The following GALNT17 variants were observed in gnomAD, a reference collection of about 807,000 sequenced individuals.
GALNT17 encodes the protein polypeptide N-acetylgalactosaminyltransferase 17.
In GALNT17, 29 loss-of-function variants were observed where a neutral mutation model predicts 63.7. The ratio of observed to expected loss-of-function variants is 0.46; its 90% CI spans 0.34 to 0.62. The LOEUF is 0.62. Ranked by LOEUF, GALNT17 falls within the 20% of genes least tolerant of loss-of-function variation. GALNT17 has a pLI of 0.01. For synonymous variants in GALNT17, 305 were observed against 318.3 expected (o/e 0.96, Z 0.45); for missense variants, 603 against 799.6 (o/e 0.75, Z 2.97).
At chr7:71,496,775 A>ATGGGG (rs1788102261) in intron 5 of GALNT17, among the ~76,000 whole-genome samples, 1 of 142,096 alleles carries the variant, frequency 7.0e-6, no homozygotes, top group South Asian at 2.6e-4. Flanking sequence ...CCTGGGCCGG[A>ATGGGG]TGGGGTGGGG....
At chr7:71,601,646 A>G (rs940821) in intron 6 of GALNT17, among the ~76,000 whole-genome samples, 151,771 of 152,264 alleles carry the variant, frequency 1, 75,641 homozygotes, top group East Asian at 1. Flanking sequence ...TTAGCCAGGC[A>G]TGGTAGTGCT....
Position 71,679,126 on chromosome 7 carries a change from C to T in GALNT17, c.1500+1820C>T, listed in dbSNP as rs115216447. Among the ~76,000 whole-genome samples the T allele has an allele frequency of 3.6e-3, 551 of 152,196 alleles. 1 individual carries two copies. The highest frequency in any genetic ancestry group is 0.013 in the African/African-American group (525 of 41,538). ...TTCTCTGTAGGGAAATGGGGATGCA[C>T]ATGGAAAGCAATATGAGCTACAGAA... On this transcript the variant is annotated intron_variant, in intron 9 of 10. Coordinates refer to ENST00000333538, the MANE Select transcript of GALNT17 (RefSeq NM_022479.3).
chr7:71,702,594 C>A lies in GALNT17; in HGVS notation c.1501-8167C>A, dbSNP rs1470871883. The stretch of plus-strand genomic sequence containing the variant: ...GCAGAGAGATGGCACACCCTGACTC[C>A]AATTTAAAGTAACATGATTTTAAAT... On this transcript the variant is annotated intron_variant, in intron 9 of 10. Transcript: ENST00000333538. 2.0e-5 allele frequency among the ~76,000 whole-genome samples: 3 copies of A among 152,154 alleles called. No homozygotes were observed. The East Asian group carries it at 5.8e-4, about 29-fold the overall frequency.
At chr7:71,678,712 A>G (rs1190241454) in intron 9 of GALNT17, among the ~76,000 whole-genome samples, 1 of 151,590 alleles carries the variant, frequency 6.6e-6, no homozygotes. Flanking sequence ...GGAGAATAGC[A>G]TGAACCCAGG....
In GALNT17 at chr7:71,651,804, G is replaced by A. The variant is rs147950708; in HGVS notation, c.1081-13607G>A. ...ATAGCTCACTGCAGCTTCAGTCCCC[G>A]GGGTTCAAGTGATCCTCCTACCTCA... is the stretch of plus-strand genomic sequence containing the variant. On this transcript the variant is annotated intron_variant, in intron 6 of 10. Transcript: ENST00000333538. 3.5e-3 allele frequency among the ~76,000 whole-genome samples: 527 copies of A among 152,190 alleles called. 5 individuals carry two copies. The highest frequency in any genetic ancestry group is 0.012 in the African/African-American group (502 of 41,538).
chr7:71,162,683 A>G (rs1788371178), intron 1 of GALNT17, among the ~76,000 whole-genome samples: 1 of 152,178 alleles, frequency 6.6e-6, no homozygotes, highest in Non-Finnish European at 1.5e-5. Context: ...AACACCCAGT[A>G]TGTGTTGTGT....
At chr7:71,150,089 A>C (rs1034226362) in intron 1 of GALNT17, among the ~76,000 whole-genome samples, 1 of 152,052 alleles carries the variant, frequency 6.6e-6, no homozygotes, top group East Asian at 1.9e-4. Flanking sequence ...CGAGAAGGTA[A>C]CTCCTTTGAT....
chr7:71,338,774 A>C (rs1322578255), intron 2 of GALNT17, among the ~76,000 whole-genome samples: 2 of 152,076 alleles, frequency 1.3e-5, no homozygotes, highest in African/African-American at 4.8e-5. Context: ...GAAGTAGATT[A>C]TTTCTTTCTC....
chr7:71,291,164 A>G, intron 1 of GALNT17, among the ~76,000 whole-genome samples: 1 of 152,102 alleles, frequency 6.6e-6, no homozygotes, highest in East Asian at 1.9e-4. Context: ...TCCAGACTGA[A>G]CTCCCAAATA....
At chr7:71,641,598 C>T (rs1011802506) in intron 6 of GALNT17, among the ~76,000 whole-genome samples, 2 of 151,898 alleles carry the variant, frequency 1.3e-5, no homozygotes, top group African/African-American at 4.8e-5. Context: ...TTCATAAGGG[C>T]ACCAACCCTA....
chr7:71,158,173 G>C (rs1267021324), intron 1 of GALNT17, among the ~76,000 whole-genome samples: 1 of 150,936 alleles, frequency 6.6e-6, no homozygotes, highest in African/African-American at 2.5e-5. Context: ...TCCTATGGTA[G>C]TTAGTTCTAT....
At chr7:71,142,261 C>T (rs1237009105) in intron 1 of GALNT17, among the ~76,000 whole-genome samples, 2 of 152,052 alleles carry the variant, frequency 1.3e-5, no homozygotes, top group African/African-American at 2.4e-5. Flanking sequence ...GAATGTCAGA[C>T]GAGGTGAGAG....
At chr7:71,489,692 T>A (rs985831687) in intron 5 of GALNT17, among the ~76,000 whole-genome samples, 1 of 151,264 alleles carries the variant, frequency 6.6e-6, no homozygotes, top group Non-Finnish European at 1.5e-5. Context: ...GGGGAGAGAG[T>A]CCATTGGCGG....
intron 5 of GALNT17, among the ~76,000 whole-genome samples, chr7:71,459,683 C>G (rs1227420330): frequency 6.6e-6 from 1 of 152,014 alleles, no homozygotes; most frequent in African/African-American, 2.4e-5. Context: ...CCTGCAAAGC[C>G]ATTCATTGTG....
chr7:71,377,217 A>C (rs968045675), intron 2 of GALNT17, among the ~76,000 whole-genome samples: 1 of 149,426 alleles, frequency 6.7e-6, no homozygotes, highest in Non-Finnish European at 1.5e-5. Flanking sequence ...AAACTGGCAT[A>C]TCAGGCCAAG....
At chr7:71,374,431 T>C (rs1206230831) in intron 2 of GALNT17, among the ~76,000 whole-genome samples, 1 of 152,210 alleles carries the variant, frequency 6.6e-6, no homozygotes, top group African/African-American at 2.4e-5. Context: ...TTCTGCTCCT[T>C]GTGTTTCAGG....
chr7:71,190,894 G>A (rs1038065832), intron 1 of GALNT17, among the ~76,000 whole-genome samples: 2 of 152,130 alleles, frequency 1.3e-5, no homozygotes, highest in African/African-American at 4.8e-5. Flanking sequence ...GCCTCCCAAA[G>A]TGCTGGGATT....
At chr7:71,501,953 TCTC>T (rs1788187065) in intron 5 of GALNT17, among the ~76,000 whole-genome samples, 1 of 151,954 alleles carries the variant, frequency 6.6e-6, no homozygotes, top group Non-Finnish European at 1.5e-5. Flanking sequence ...AGAAGCCCTG[TCTC>T]CTCCTAAGCC....
intron 1 of GALNT17, among the ~76,000 whole-genome samples, chr7:71,262,509 T>C (rs1583809461): frequency 6.6e-6 from 1 of 152,102 alleles, no homozygotes; most frequent in South Asian, 2.1e-4. Flanking sequence ...ATGGGTTGAA[T>C]TGCATTTTCC....
Sources: allele counts gnomAD v4.1 joint callset (sites outside exome capture counted in the v4.1 genomes callset), GRCh38; gene constraint gnomAD v4.1.1; transcripts MANE v1.5; gene names NCBI Gene and HGNC (gene_info 2026-07-23, HGNC 2026-07-21).